PCDH11X: variants seen among roughly 807,000 people sequenced by gnomAD.
The protein encoded by PCDH11X is protocadherin 11 X-linked, also known as protocadherin-11 X-linked.
A neutral mutation model predicts 53.3 loss-of-function variants in PCDH11X; 18 were observed. The observed-to-expected ratio is 0.34, with a 90% confidence interval of 0.23 to 0.50. PCDH11X has a LOEUF of 0.50. Ranked by LOEUF, PCDH11X falls within the 20% of genes least tolerant of loss-of-function variation. PCDH11X has a pLI of 0.98. For missense variants in PCDH11X, 570 were observed against 1,032.4 expected, an observed-to-expected ratio of 0.55 and a Z score of 6.14; for synonymous variants, 279 against 393.3, an observed-to-expected ratio of 0.71 and a Z score of 3.44.
chrX:91,907,412 C>CCCACACACACACAGAGAGAGAGAGAG (rs1556333002), intron 6 of PCDH11X, among the ~76,000 whole-genome samples: 1 of 57,469 alleles, frequency 1.7e-5, no homozygotes, highest in African/African-American at 7.5e-5. Flanking sequence ...CACACACACA[C>CCCACACACACACAGAGAGAGAGAGAG]AGAGAGAGAG....
intron 10 of PCDH11X, among the ~76,000 whole-genome samples, chrX:92,593,377 T>C (rs756141620): frequency 1.3e-4 from 15 of 111,885 alleles, no homozygotes; most frequent in African/African-American, 4.9e-4. Flanking sequence ...AATTGCTTGC[T>C]TACCAGGTTT....
chrX:92,560,684 G>GGA (rs1326461682), intron 10 of PCDH11X, among the ~76,000 whole-genome samples: 1 of 109,411 alleles, frequency 9.1e-6, no homozygotes, highest in Non-Finnish European at 1.9e-5. Flanking sequence ...ATGGCCACAG[G>GGA]GAGAAACTCC....
At chrX:92,569,529 T>C (rs1428554016) in intron 10 of PCDH11X, among the ~76,000 whole-genome samples, 5 of 110,806 alleles carry the variant, frequency 4.5e-5, no homozygotes, top group Non-Finnish European at 9.4e-5. Flanking sequence ...TAATCATTGC[T>C]AAAATGGTGG....
At chrX:92,069,871 AGG>A (rs1267695267) in intron 6 of PCDH11X, among the ~76,000 whole-genome samples, 1 of 110,333 alleles carries the variant, frequency 9.1e-6, no homozygotes, top group Admixed American at 9.7e-5. Flanking sequence ...TAGTAGAGAC[AGG>A]GTTTTGTCAC....
intron 1 of PCDH11X, among the ~76,000 whole-genome samples, chrX:91,806,195 A>G (rs925225111): frequency 8.8e-6 from 1 of 114,097 alleles, no homozygotes; most frequent in African/African-American, 3.2e-5. Context: ...GTCTTGAGGT[A>G]TGCCAAAAAT....
intron 7 of PCDH11X, among the ~76,000 whole-genome samples, chrX:92,237,237 G>T (rs1185368721): frequency 2.7e-5 from 3 of 110,591 alleles, no homozygotes; most frequent in Non-Finnish European, 5.7e-5. Context: ...ATCAGATTTA[G>T]ATTACAGAAA....
At chrX:91,972,723 T>C (rs1348201312) in intron 6 of PCDH11X, among the ~76,000 whole-genome samples, 1 of 108,723 alleles carries the variant, frequency 9.2e-6, no homozygotes, top group Non-Finnish European at 1.9e-5. Context: ...CCCCATTGCT[T>C]GTTTTTCTCA....
In PCDH11X at chrX:91,849,408, T is replaced by C. The variant is rs186024271; in HGVS notation, c.540+13364T>C. On this transcript the variant is annotated intron_variant, in intron 5 of 10. Coordinates refer to ENST00000682573, the MANE Select transcript of PCDH11X (RefSeq NM_032968.5). ...GGTACTAAGACAGGTAAGTACCCAATAGTTATTTTTTTCTGCTCTTCTCTC... is the reference window on the plus strand; with the variant it reads ...GGTACTAAGACAGGTAAGTACCCAACAGTTATTTTTTTCTGCTCTTCTCTC... Among the ~76,000 whole-genome samples the C allele has an allele frequency of 8.6e-3, 948 of 110,494 alleles. 5 individuals carry two copies. The highest frequency in any genetic ancestry group is 0.019 in the Middle Eastern group (4 of 212).
intron 6 of PCDH11X, among the ~76,000 whole-genome samples, chrX:92,045,965 A>G (rs6615309): frequency 0.19 from 19,913 of 107,512 alleles, 1,729 homozygotes; most frequent in East Asian, 0.42. Context: ...CAACACTTTC[A>G]GAAGTTTATT....
chrX:91,997,797 G>A (rs2062444877), intron 6 of PCDH11X, among the ~76,000 whole-genome samples: 1 of 111,375 alleles, frequency 9.0e-6, no homozygotes, highest in African/African-American at 3.3e-5. Flanking sequence ...TGCTTATATT[G>A]TAATTTTGCT....
At chrX:92,377,203 A>G (rs2070772567) in intron 8 of PCDH11X, among the ~76,000 whole-genome samples, 1 of 111,780 alleles carries the variant, frequency 8.9e-6, no homozygotes, top group Admixed American at 9.6e-5. Flanking sequence ...AAACCATTGA[A>G]TGCACCTCAG....
intron 8 of PCDH11X, among the ~76,000 whole-genome samples, chrX:92,311,479 C>G (rs2068949480): frequency 9.0e-6 from 1 of 110,972 alleles, no homozygotes; most frequent in African/African-American, 3.3e-5. Context: ...CCCCCAAAAC[C>G]CAAGTAGTCA....
At chrX:91,848,785 A>T (rs1407933065) in intron 5 of PCDH11X, among the ~76,000 whole-genome samples, 3 of 111,723 alleles carry the variant, frequency 2.7e-5, no homozygotes, top group African/African-American at 9.8e-5. Flanking sequence ...ATTATAACAG[A>T]ACTAATCACT....
intron 7 of PCDH11X, among the ~76,000 whole-genome samples, chrX:92,219,557 C>G (rs1363202644): frequency 9.3e-6 from 1 of 107,626 alleles, no homozygotes; most frequent in Non-Finnish European, 1.9e-5. Context: ...AGGATACAAA[C>G]AAATGGAAGA....
chrX:92,253,159 C>T (rs942783880), intron 7 of PCDH11X, among the ~76,000 whole-genome samples: 4 of 111,935 alleles, frequency 3.6e-5, no homozygotes, highest in Middle Eastern at 4.6e-3. Context: ...CTTCTACATA[C>T]GGATATGTAG....
At chrX:92,150,722 A>G (rs1191119669) in intron 6 of PCDH11X, among the ~76,000 whole-genome samples, 1 of 111,150 alleles carries the variant, frequency 9.0e-6, no homozygotes, top group Non-Finnish European at 1.9e-5. Context: ...TCCCTTGGCA[A>G]TATTTTATAG....
intron 6 of PCDH11X, among the ~76,000 whole-genome samples, chrX:92,082,980 C>T (rs2063887446): frequency 1.8e-5 from 2 of 111,269 alleles, no homozygotes; most frequent in South Asian, 7.5e-4. Context: ...AGTCTGTAAA[C>T]TTTGATGTGT....
intron 6 of PCDH11X, among the ~76,000 whole-genome samples, chrX:92,022,386 T>C (rs2062900018): frequency 1.8e-5 from 2 of 108,597 alleles, no homozygotes; most frequent in African/African-American, 6.8e-5. Context: ...CATCCTAGTC[T>C]CTAACAAAAC....
At chrX:91,867,057 T>C (rs1165111131) in intron 5 of PCDH11X, among the ~76,000 whole-genome samples, 1 of 111,870 alleles carries the variant, frequency 8.9e-6, no homozygotes, top group Non-Finnish European at 1.9e-5. Flanking sequence ...ACATAGTTGC[T>C]GAATATTGTG....
Sources: gnomAD v4.1 joint callset for allele counts (sites outside exome capture counted in the v4.1 genomes callset) on GRCh38, gnomAD v4.1.1 for gene constraint, MANE v1.5 for transcripts, NCBI Gene and HGNC (gene_info 2026-07-23, HGNC 2026-07-21) for gene names.